DPP10: variants seen among roughly 807,000 people sequenced by gnomAD.
DPP10 encodes dipeptidyl peptidase like 10, also known as inactive dipeptidyl peptidase 10.
Under a neutral mutation model 120.9 loss-of-function variants are expected in DPP10, and 33 were observed. The observed-to-expected ratio is 0.27, with a 90% CI of 0.21 to 0.37. The LOEUF (loss-of-function observed/expected upper bound fraction) is 0.37. DPP10 is among the 10% of genes least tolerant of loss of function. DPP10 has a pLI of 1.00. For missense variants in DPP10, 816 were observed against 942.8 expected (o/e 0.87, Z 1.76); for synonymous variants, 337 against 326.1 (o/e 1.03, Z -0.36).
chr2:114,583,123 GT>G (rs1179924757), intron 1 of DPP10, among the ~76,000 whole-genome samples: 1 of 152,184 alleles, frequency 6.6e-6, no homozygotes, highest in Middle Eastern at 3.2e-3. Context: ...ATATTAGCCT[GT>G]TTTAAATTTA....
At chr2:115,276,018 A>G (rs1425788883) in intron 1 of DPP10, among the ~76,000 whole-genome samples, 1 of 151,470 alleles carries the variant, frequency 6.6e-6, no homozygotes, top group East Asian at 2.0e-4. Context: ...GCATATTTCA[A>G]CTCTTGGTGG....
At chr2:115,289,269 C>T (rs911849264) in intron 1 of DPP10, among the ~76,000 whole-genome samples, 5 of 151,774 alleles carry the variant, frequency 3.3e-5, no homozygotes, top group Admixed American at 2.6e-4. Flanking sequence ...AACTACAAAA[C>T]GCTGATGAAA....
chr2:114,658,089 A>G (rs1170534197), intron 1 of DPP10, among the ~76,000 whole-genome samples: 1 of 152,200 alleles, frequency 6.6e-6, no homozygotes, highest in Non-Finnish European at 1.5e-5. Flanking sequence ...ATATATACAC[A>G]TTTGTGAGAC....
At chr2:114,897,214 C>T (rs1477610348) in intron 1 of DPP10, among the ~76,000 whole-genome samples, 1 of 152,162 alleles carries the variant, frequency 6.6e-6, no homozygotes. Flanking sequence ...GGTTGTGTCT[C>T]TGCCCAGCTT....
chr2:115,694,031 G>A (rs1010048088), intron 7 of DPP10, among the ~76,000 whole-genome samples: 1 of 152,120 alleles, frequency 6.6e-6, no homozygotes, highest in Non-Finnish European at 1.5e-5. Flanking sequence ...GGAGAATTAA[G>A]CTTAAGTTTT....
chr2:115,447,574 A>G (rs2072725076), intron 3 of DPP10, among the ~76,000 whole-genome samples: 1 of 152,138 alleles, frequency 6.6e-6, no homozygotes, highest in Admixed American at 6.5e-5. Flanking sequence ...GATCATGGGT[A>G]CGGTTCCTCC....
chr2:114,696,982 T>C (rs1700105219), intron 1 of DPP10, among the ~76,000 whole-genome samples: 1 of 151,984 alleles, frequency 6.6e-6, no homozygotes, highest in Admixed American at 6.6e-5. Context: ...ATGACTGAAA[T>C]AAAGTATGAA....
chr2:114,683,307 G>A (rs1374674894), intron 1 of DPP10, among the ~76,000 whole-genome samples: 3 of 151,796 alleles, frequency 2.0e-5, no homozygotes, highest in Admixed American at 2.0e-4. Context: ...TGTACCAGAT[G>A]CTGTGCTAAA....
intron 1 of DPP10, among the ~76,000 whole-genome samples, chr2:114,986,657 A>G (rs766870752): frequency 2.6e-5 from 4 of 152,264 alleles, no homozygotes; most frequent in Non-Finnish European, 5.9e-5. Context: ...AAGGGAAACA[A>G]TACAAATAAA....
chr2:115,211,514 A>G (rs2056510816), intron 1 of DPP10, among the ~76,000 whole-genome samples: 1 of 152,158 alleles, frequency 6.6e-6, no homozygotes, highest in Admixed American at 6.6e-5. Context: ...ATTGGATTTA[A>G]TAACATTTGC....
At chr2:114,851,227 A>G (rs116660132) in intron 1 of DPP10, among the ~76,000 whole-genome samples, 21 of 152,270 alleles carry the variant, frequency 1.4e-4, no homozygotes, top group Admixed American at 2.6e-4. Flanking sequence ...TTGAAAATCA[A>G]TGTTTAGCAA....
chr2:114,615,584 G>A (rs1693614889), intron 1 of DPP10, among the ~76,000 whole-genome samples: 1 of 152,110 alleles, frequency 6.6e-6, no homozygotes, highest in Admixed American at 6.6e-5. Context: ...AAGTACTGGG[G>A]CATGCTGTCT....
At chr2:115,835,100 C>G (rs1689330760) in intron 21 of DPP10, among the ~76,000 whole-genome samples, 1 of 151,334 alleles carries the variant, frequency 6.6e-6, no homozygotes, top group Admixed American at 6.6e-5. Context: ...CGCACCACTG[C>G]ACTCCAGCCT....
intron 1 of DPP10, among the ~76,000 whole-genome samples, chr2:114,736,395 A>G (rs997362670): frequency 1.3e-5 from 2 of 152,156 alleles, no homozygotes; most frequent in Non-Finnish European, 2.9e-5. Flanking sequence ...TTTCTTGATA[A>G]GCATCTGATG....
At chr2:115,689,617 T>C in intron 5 of DPP10, 70 bp from the exon 6 acceptor site, 1 of 1,025,158 alleles carries the variant, frequency 9.8e-7, no homozygotes, top group Non-Finnish European at 1.4e-6. Context: ...TGGATGTTAC[T>C]AAGAATATAT....
At chr2:115,125,716 T>C (rs1573705568) in intron 1 of DPP10, among the ~76,000 whole-genome samples, 4 of 151,790 alleles carry the variant, frequency 2.6e-5, no homozygotes, top group Non-Finnish European at 5.9e-5. Flanking sequence ...GGACTACAGG[T>C]GCCCTCCACC....
intron 1 of DPP10, among the ~76,000 whole-genome samples, chr2:115,051,846 A>T (rs1210748435): frequency 2.0e-5 from 3 of 151,968 alleles, no homozygotes; most frequent in Non-Finnish European, 1.5e-5. Context: ...AACCAAAAAA[A>T]TGATAAGCAT....
chr2:115,333,010 G>A (rs1323127443), intron 2 of DPP10, among the ~76,000 whole-genome samples: 1 of 152,100 alleles, frequency 6.6e-6, no homozygotes, highest in African/African-American at 2.4e-5. Flanking sequence ...TCTGCCTAAT[G>A]TTGACAGTGG....
At chr2:115,828,758 G>A (rs1041159933) in intron 21 of DPP10, among the ~76,000 whole-genome samples, 1 of 151,930 alleles carries the variant, frequency 6.6e-6, no homozygotes, top group Non-Finnish European at 1.5e-5. Context: ...CATTTCATGT[G>A]GGAGGATAAA....
Sources: allele counts gnomAD v4.1 joint callset (sites outside exome capture counted in the v4.1 genomes callset), GRCh38; gene constraint gnomAD v4.1.1; transcripts MANE v1.5; gene names NCBI Gene and HGNC (gene_info 2026-07-23, HGNC 2026-07-21).